The following ATP11C variants were observed in gnomAD, a reference collection of about 807,000 sequenced individuals.
ATP11C encodes the protein phospholipid-transporting ATPase IG.
Under a neutral mutation model 97.4 loss-of-function variants are expected in ATP11C, and 36 were observed. That is an observed-to-expected ratio of 0.37 (90% confidence interval 0.28 to 0.49). ATP11C has a LOEUF of 0.49. Among genes scored for constraint, ATP11C ranks in the 20% least tolerant of loss-of-function variants. The pLI is 0.98. For missense variants in ATP11C, 730 were observed against 824.6 expected, an observed-to-expected ratio of 0.89 and a Z score of 1.40; for synonymous variants, 275 against 290.9, an observed-to-expected ratio of 0.95 and a Z score of 0.56.
intron 1 of ATP11C, among the ~76,000 whole-genome samples, chrX:139,905,067 G>A (rs191117909): frequency 8.9e-6 from 1 of 112,369 alleles, no homozygotes; most frequent in African/African-American, 3.2e-5. Context: ...TGTGGAATTG[G>A]GTGATGGACT....
At position 139,835,952 on chromosome X, in the gene ATP11C, G is replaced by A. The variant is rs561410971; in HGVS notation, c.28-9129C>T. Among the ~76,000 whole-genome samples the A allele has an allele frequency of 1.3e-4, 13 of 99,697 alleles. No homozygotes were observed. The East Asian group carries it at 2.7e-3, about 20-fold the overall frequency. The allele number at this position is 99,697 out of a possible 115,157, so 86.6% of individuals were successfully genotyped here. ...TGAGGCAGGAGAATCACTTGAACCC[G>A]GGAGGCGGAGGTTGCAGTGAGCTGA... On this transcript the variant is annotated intron_variant, in intron 1 of 29. Coordinates refer to ENST00000682941, the MANE Select transcript of ATP11C (RefSeq NM_001353812.2).
intron 1 of ATP11C, among the ~76,000 whole-genome samples, chrX:139,864,407 G>A (rs1391419280): frequency 8.9e-6 from 1 of 112,112 alleles, no homozygotes; most frequent in Non-Finnish European, 1.9e-5. Flanking sequence ...CATTCAAGAT[G>A]AATGACAACT....
chrX:139,798,815 CT>C, intron 8 of ATP11C, 72 bp from the exon 9 acceptor site: 2 of 769,469 alleles, frequency 2.6e-6, no homozygotes, highest in Non-Finnish European at 4.0e-6. Flanking sequence ...AGATTTTGCC[CT>C]GACACACACC....
At chrX:139,915,730 ATTT>A (rs2085145364) in intron 1 of ATP11C, among the ~76,000 whole-genome samples, 1 of 112,133 alleles carries the variant, frequency 8.9e-6, no homozygotes, top group African/African-American at 3.2e-5. Flanking sequence ...ATACTGGAGT[ATTT>A]TTTAATTGAT....
chrX:139,843,558 C>G (rs186321402), intron 1 of ATP11C, among the ~76,000 whole-genome samples: 1 of 111,704 alleles, frequency 9.0e-6, no homozygotes, highest in Non-Finnish European at 1.9e-5. Flanking sequence ...ATTTTAATGG[C>G]CTTTTTTCAT....
intron 1 of ATP11C, among the ~76,000 whole-genome samples, chrX:139,861,204 GAT>G (rs1316094338): frequency 2.7e-5 from 3 of 112,040 alleles, no homozygotes; most frequent in African/African-American, 6.5e-5. Context: ...CTTCAAATAT[GAT>G]ATGAGTCACG....
chrX:139,871,356 C>T (rs1321870678), intron 1 of ATP11C, among the ~76,000 whole-genome samples: 3 of 106,406 alleles, frequency 2.8e-5, no homozygotes, highest in African/African-American at 6.9e-5. Flanking sequence ...TACAGGTGTG[C>T]GCCACCACGC....
chrX:139,925,238 G>A (rs1014861945), intron 1 of ATP11C, among the ~76,000 whole-genome samples: 2 of 111,976 alleles, frequency 1.8e-5, no homozygotes, highest in Admixed American at 9.5e-5. Flanking sequence ...CCCAAGACTT[G>A]GATTCAGTAA....
At chrX:139,830,211 G>C (rs2485734) in intron 1 of ATP11C, among the ~76,000 whole-genome samples, 8,547 of 111,277 alleles carry the variant, frequency 0.077, 809 homozygotes, top group African/African-American at 0.26. Flanking sequence ...ACTGATGCCT[G>C]GTTCTTTTAT....
At chrX:139,862,816 C>G (rs1603404711) in intron 1 of ATP11C, among the ~76,000 whole-genome samples, 1 of 111,440 alleles carries the variant, frequency 9.0e-6, no homozygotes. Flanking sequence ...AAAAGTGAAC[C>G]ACTATGTATA....
intron 1 of ATP11C, among the ~76,000 whole-genome samples, chrX:139,894,081 A>C (rs1376302700): frequency 2.7e-5 from 3 of 111,702 alleles, no homozygotes; most frequent in Non-Finnish European, 5.6e-5. Context: ...ACATTATTTG[A>C]TTATGAGATT....
intron 29 of ATP11C, among the ~76,000 whole-genome samples, chrX:139,729,991 C>G (rs1331696311): frequency 9.0e-6 from 1 of 111,315 alleles, no homozygotes; most frequent in Admixed American, 9.6e-5. Context: ...GGTTGCCATT[C>G]ATACTGAGAA....
At chrX:139,729,624 T>G (rs1490057419) in intron 29 of ATP11C, among the ~76,000 whole-genome samples, 2 of 111,821 alleles carry the variant, frequency 1.8e-5, no homozygotes, top group Non-Finnish European at 3.8e-5. Flanking sequence ...GATATTTCCC[T>G]ATCAAATCTG....
chrX:139,898,588 A>C (rs1255359813), intron 1 of ATP11C, among the ~76,000 whole-genome samples: 1 of 111,334 alleles, frequency 9.0e-6, no homozygotes, highest in African/African-American at 3.3e-5. Context: ...AGGTGGACAC[A>C]GGAGCATTTA....
rs1483407860 is a variant in ATP11C at position 139,932,008 on chromosome X, G to A, written c.27+8C>T. 1 of 1,165,458 alleles carries A rather than the reference G, an allele frequency of 8.6e-7. No homozygotes were observed. The highest frequency in any genetic ancestry group is 1.8e-5 in the African/African-American group (1 of 56,523). ...CGGCACGCGCGGAGCCGCAGCGAGTGTACTTACAAAACGATTCAAGCTCCG... is the reference window on the plus strand; with the variant it reads ...CGGCACGCGCGGAGCCGCAGCGAGTATACTTACAAAACGATTCAAGCTCCG... On this transcript the variant is annotated splice_region_variant and intron_variant, in intron 1 of 29. Transcript: ENST00000682941.
intron 19 of ATP11C, among the ~76,000 whole-genome samples, chrX:139,771,045 A>G (rs941943480): frequency 9.0e-6 from 1 of 111,436 alleles, no homozygotes; most frequent in South Asian, 3.8e-4. Context: ...CCTTGAGAGT[A>G]ACTAACTGAT....
At chrX:139,730,893 T>C (rs777661436) in intron 29 of ATP11C, among the ~76,000 whole-genome samples, 1 of 111,179 alleles carries the variant, frequency 9.0e-6, no homozygotes, top group Admixed American at 9.6e-5. Flanking sequence ...CAAGGGGCCC[T>C]CCCACGGCGT....
At chrX:139,787,042 T>A in intron 15 of ATP11C, 131 bp downstream of exon 15, 1 of 939,459 alleles carries the variant, frequency 1.1e-6, no homozygotes, top group Non-Finnish European at 1.4e-6. Flanking sequence ...TATATTTACA[T>A]AAAACTCTGA....
intron 1 of ATP11C, among the ~76,000 whole-genome samples, chrX:139,902,598 CTA>C (rs1175401466): frequency 7.1e-5 from 8 of 111,976 alleles, no homozygotes; most frequent in African/African-American, 2.0e-4. Flanking sequence ...AAAAAACAAA[CTA>C]TGTTTTTAAA....
Sources: gnomAD v4.1 joint callset for allele counts (sites outside exome capture counted in the v4.1 genomes callset) on GRCh38, gnomAD v4.1.1 for gene constraint, MANE v1.5 for transcripts, NCBI Gene and HGNC (gene_info 2026-07-23, HGNC 2026-07-21) for gene names.